Variants in SPACA7 observed in about 807,000 individuals in gnomAD.
The protein encoded by SPACA7 is sperm acrosome-associated protein 7.
SPACA7 carries 19 observed loss-of-function variants against 26.3 expected under a neutral mutation model. That is an observed-to-expected ratio of 0.72 (90% CI 0.50 to 1.06). The LOEUF is 1.06. Ranked by LOEUF, SPACA7 falls within the 50% of genes least tolerant of loss-of-function variation. The pLI, the probability that SPACA7 is intolerant of heterozygous loss-of-function variation, is 0.00. For missense variants in SPACA7, 211 were observed against 229.9 expected (o/e 0.92, Z 0.53); for synonymous variants, 84 against 84.5 (o/e 0.99, Z 0.04).
At chr13:112,401,853 C>G (rs1885665754) in intron 5 of SPACA7, among the ~76,000 whole-genome samples, 1 of 152,164 alleles carries the variant, frequency 6.6e-6, no homozygotes, top group Non-Finnish European at 1.5e-5. Context: ...CCATCTTTGT[C>G]CCATGATTTG....
rs568821184 is a variant in SPACA7, at chr13:112,377,842, G to C, written c.94+1363G>C. On this transcript the variant is annotated intron_variant, in intron 1 of 6. Coordinates refer to ENST00000283550, the MANE Select transcript of SPACA7 (RefSeq NM_145248.5). The stretch of plus-strand genomic sequence containing the variant: ...GGATGTGTGCTGGATGGTACAAGTA[G>C]TCGGGAATTTAATGAGGGGAATGTC... Among the ~76,000 whole-genome samples the C allele has an allele frequency of 2.6e-4, 40 of 152,318 alleles. No individual in the cohort carries two copies. In the South Asian group the frequency reaches 8.3e-3, roughly 32 times the overall value.
At chr13:112,429,873 G>T (rs1474344420) in intron 5 of SPACA7, among the ~76,000 whole-genome samples, 1 of 152,086 alleles carries the variant, frequency 6.6e-6, no homozygotes, top group African/African-American at 2.4e-5. Context: ...AAAGCAGTTT[G>T]GTCCTTTTGA....
chr13:112,400,145 G>A (rs1227688494), intron 4 of SPACA7, among the ~76,000 whole-genome samples: 1 of 152,134 alleles, frequency 6.6e-6, no homozygotes, highest in Non-Finnish European at 1.5e-5. Context: ...CACAGGACCA[G>A]GTCACAGCTC....
intron 5 of SPACA7, among the ~76,000 whole-genome samples, chr13:112,430,166 C>G (rs1164668119): frequency 7.4e-6 from 1 of 134,504 alleles, no homozygotes; most frequent in Non-Finnish European, 1.6e-5. Context: ...TCCCTTGCAT[C>G]TCTCTCTCTG....
intron 6 of SPACA7, among the ~76,000 whole-genome samples, chr13:112,433,557 G>A (rs1292100727): frequency 8.6e-5 from 13 of 151,696 alleles, no homozygotes; most frequent in African/African-American, 3.1e-4. Context: ...CTGTCCACAA[G>A]CGTGGGAAGC....
At chr13:112,404,512 T>A (rs1379470808) in intron 5 of SPACA7, among the ~76,000 whole-genome samples, 1 of 152,238 alleles carries the variant, frequency 6.6e-6, no homozygotes, top group Non-Finnish European at 1.5e-5. Context: ...AGAAGGTTTT[T>A]TTCCAATGTT....
At chr13:112,396,603 T>C (rs1885278372) in intron 2 of SPACA7, among the ~76,000 whole-genome samples, 2 of 152,180 alleles carry the variant, frequency 1.3e-5, no homozygotes, top group African/African-American at 4.8e-5. Context: ...CAAATGCATA[T>C]CCACTCTTCT....
rs977550010 is a variant in SPACA7, at chr13:112,387,368, C to A, written c.95-5653C>A. ...GCAAAGTTTGTAACTGACCAGCCTGCCAGTCTGGCTTGAAAAGCAGGCTTG... is the reference window on the plus strand; with the variant it reads ...GCAAAGTTTGTAACTGACCAGCCTGACAGTCTGGCTTGAAAAGCAGGCTTG... On this transcript the variant is annotated intron_variant, in intron 1 of 6. Coordinates refer to ENST00000283550, the MANE Select transcript of SPACA7 (RefSeq NM_145248.5). Among the ~76,000 whole-genome samples, 3 of 152,344 alleles carry A rather than the reference C, an allele frequency of 2.0e-5. No homozygotes were observed. In the South Asian group the frequency reaches 6.2e-4, roughly 32 times the overall value.
chr13:112,378,760 C>A, intron 1 of SPACA7: 1 of 471,022 alleles, frequency 2.1e-6, no homozygotes, highest in South Asian at 1.5e-5. Flanking sequence ...ATCAAATCAA[C>A]CTCAGTTTTT....
intron 2 of SPACA7, among the ~76,000 whole-genome samples, chr13:112,393,645 G>A (rs1356048172): frequency 6.6e-5 from 10 of 152,286 alleles, no homozygotes; most frequent in South Asian, 2.1e-4. Flanking sequence ...AAGTACAGCC[G>A]GCTGAGAACC....
chr13:112,384,571 T>C (rs1278138635), intron 1 of SPACA7, among the ~76,000 whole-genome samples: 7 of 152,188 alleles, frequency 4.6e-5, no homozygotes, highest in South Asian at 2.1e-4. Flanking sequence ...AATTTGATTT[T>C]GGAACGTTTG....
chr13:112,383,447 T>C (rs1023884661), intron 1 of SPACA7, among the ~76,000 whole-genome samples: 8 of 152,248 alleles, frequency 5.3e-5, no homozygotes, highest in Non-Finnish European at 1.0e-4. Context: ...TTTACTCTTA[T>C]AGTACTTGGC....
chr13:112,421,267 G>C (rs549660952), intron 5 of SPACA7, among the ~76,000 whole-genome samples: 1 of 147,488 alleles, frequency 6.8e-6, no homozygotes, highest in Admixed American at 6.7e-5. Flanking sequence ...GCAAAAAGGA[G>C]GGCAACTGGA....
chr13:112,433,100 C>T (rs1877339524), intron 6 of SPACA7, among the ~76,000 whole-genome samples: 1 of 151,908 alleles, frequency 6.6e-6, no homozygotes, highest in South Asian at 2.1e-4. Flanking sequence ...AGGCTGACAG[C>T]CCTCTTGTCC....
At chr13:112,391,388 G>A (rs1466774146) in intron 1 of SPACA7, among the ~76,000 whole-genome samples, 1 of 152,208 alleles carries the variant, frequency 6.6e-6, no homozygotes, top group Non-Finnish European at 1.5e-5. Context: ...TTCTTGAGAT[G>A]TTGGACCTTT....
chr13:112,395,714 C>T (rs1216043907), intron 2 of SPACA7, among the ~76,000 whole-genome samples: 2 of 152,210 alleles, frequency 1.3e-5, no homozygotes, highest in African/African-American at 4.8e-5. Context: ...AGGTGATCTG[C>T]CCACCTCGGC....
chr13:112,391,055 G>T (rs1260437706), intron 1 of SPACA7, among the ~76,000 whole-genome samples: 1 of 152,018 alleles, frequency 6.6e-6, no homozygotes. Flanking sequence ...GGAGACAAAG[G>T]AATAGGTCTT....
intron 5 of SPACA7, among the ~76,000 whole-genome samples, chr13:112,407,739 C>CA (rs1012015127): frequency 5.9e-5 from 9 of 152,074 alleles, no homozygotes; most frequent in African/African-American, 2.2e-4. Context: ...GCCTACCAAA[C>CA]AAAAAAAGTC....
At chr13:112,377,923 C>T (rs1231495584) in intron 1 of SPACA7, among the ~76,000 whole-genome samples, 1 of 152,168 alleles carries the variant, frequency 6.6e-6, no homozygotes, top group Non-Finnish European at 1.5e-5. Flanking sequence ...TTTCCGAATC[C>T]AGAGGGCAGT....
Sources: allele counts gnomAD v4.1 joint callset (sites outside exome capture counted in the v4.1 genomes callset), GRCh38; gene constraint gnomAD v4.1.1; transcripts MANE v1.5; gene names NCBI Gene and HGNC (gene_info 2026-07-23, HGNC 2026-07-21).